The following ITPR1 variants were observed in gnomAD, a reference collection of about 807,000 sequenced individuals.
The protein encoded by ITPR1 is inositol 1,4,5-trisphosphate receptor type 1, also known as inositol 1,4,5-trisphosphate-gated calcium channel ITPR1.
A neutral mutation model predicts 318.4 loss-of-function variants in ITPR1; 96 were observed. The observed-to-expected ratio is 0.30, with a 90% CI of 0.26 to 0.36. ITPR1 has a LOEUF of 0.36. ITPR1 is among the 10% of genes least tolerant of loss of function. The pLI is 1.00. For missense variants in ITPR1, 2,440 were observed against 3,460.2 expected (o/e 0.71, Z 7.40); for synonymous variants, 1,312 against 1,289.9 (o/e 1.02, Z -0.37).
intron 28 of ITPR1, among the ~76,000 whole-genome samples, 165 bp downstream of exon 28, chr3:4,683,963 G>A (rs535074112): frequency 1.3e-5 from 2 of 152,166 alleles, no homozygotes; most frequent in African/African-American, 2.4e-5. Flanking sequence ...AATAAGCTAC[G>A]AATCAAAGTT....
chr3:4,589,834 G>C (rs145869328), intron 4 of ITPR1, among the ~76,000 whole-genome samples: 1 of 152,232 alleles, frequency 6.6e-6, no homozygotes, highest in East Asian at 1.9e-4. Flanking sequence ...AATTGGATCA[G>C]AATCTCTGGG....
In ITPR1 at chr3:4,717,397, G is replaced by A. The variant is rs1275259051; in HGVS notation, c.5134G>A (p.Glu1712Lys). 2 of 1,595,780 alleles carry A rather than the reference G, an allele frequency of 1.3e-6. No individual in the cohort carries two copies. The highest frequency in any genetic ancestry group is 1.7e-6 in the Non-Finnish European group (2 of 1,176,682). The change falls in exon 40 of 62, where the codon GAG (glutamate) becomes AAG (lysine). Residue 1712 changes from glutamate to lysine, a missense_variant and splice_region_variant. By Grantham distance (56) the Glu-to-Lys change is moderately conservative. Around this residue, in one of 23 missense-constraint regions of ITPR1, gnomAD observed 166 missense variants for 143.7 expected, o/e 1.16. Transcript: ENST00000649015. ...TTCCATTGATGAATTGGATAATGCT[G>A]AGGTCCTAATTTTGTTGTTTTTTGT... Reference protein sequence around the residue: ...LISIDELDNAELPPAPDSENA... With the variant: ...LISIDELDNAKLPPAPDSENA...
intron 5 of ITPR1, among the ~76,000 whole-genome samples, chr3:4,632,989 A>G (rs368888558): frequency 2.7e-5 from 3 of 113,062 alleles, no homozygotes; most frequent in East Asian, 6.1e-4. Flanking sequence ...GCCAGGCTGG[A>G]GTGTAGTGGC....
chr3:4,545,255 T>C (rs931514449), intron 4 of ITPR1, among the ~76,000 whole-genome samples: 5 of 152,206 alleles, frequency 3.3e-5, no homozygotes, highest in Non-Finnish European at 2.9e-5. Flanking sequence ...AGGAAGTAGT[T>C]TTTCCCAGAA....
chr3:4,818,867 A>G (rs2049485934), intron 60 of ITPR1, among the ~76,000 whole-genome samples: 1 of 152,184 alleles, frequency 6.6e-6, no homozygotes, highest in South Asian at 2.1e-4. Flanking sequence ...CTGAGACACC[A>G]AACGTGCGCT....
chr3:4,501,516 A>G (rs753986137), intron 2 of ITPR1, among the ~76,000 whole-genome samples: 4 of 152,236 alleles, frequency 2.6e-5, no homozygotes, highest in South Asian at 4.1e-4. Flanking sequence ...ATACGAGAAG[A>G]TATGCATTGG....
At chr3:4,750,726 C>A (rs2044440991) in intron 44 of ITPR1, 1 of 151,716 alleles carries the variant, frequency 6.6e-6, no homozygotes, top group Non-Finnish European at 1.5e-5. Context: ...CCTTTTGCCC[C>A]CTTCCTTTCT....
Position 4,846,455 on chromosome 3 carries a change from C to A in ITPR1, c.*230C>A. On this transcript the variant is annotated 3_prime_UTR_variant, in exon 62 of 62. Transcript: ENST00000649015. ...ATTTGTGCCAAAAATATTAAAAATG[C>A]CTTTTTTGGAAGGACTAACAGAAAG... 1 of 348,272 alleles carries A rather than the reference C, an allele frequency of 2.9e-6. No individual in the cohort carries two copies. Among genetic ancestry groups the A allele is most frequent in the Admixed American group, 4.7e-5 (1 of 21,322 alleles). 21.6% of individuals were successfully genotyped at this position (348,272 alleles called of 1,614,324 possible). A position where few individuals can be genotyped will look rare whatever the true frequency, so the allele number is the denominator to read the frequency against.
rs968099389 is a variant in ITPR1 at position 4,790,081 on chromosome 3, G to T, written c.6808+1942G>T. 4.6e-5 allele frequency among the ~76,000 whole-genome samples: 7 copies of T among 152,276 alleles called. No individual in the cohort carries two copies. The East Asian group carries it at 1.4e-3, about 29-fold the overall frequency. The stretch of plus-strand genomic sequence containing the variant: ...TATGTATAATGTATGTATTTTATAG[G>T]TTCTCCAAAAGGCTTATTTTGGAGA... On this transcript the variant is annotated intron_variant, in intron 52 of 61. Coordinates refer to ENST00000649015, the MANE Select transcript of ITPR1 (RefSeq NM_001378452.1).
Position 4,735,363 on chromosome 3 carries a change from G to A in ITPR1, c.5544+9G>A. 1.2e-6 allele frequency: 2 copies of A among 1,611,768 alleles called. No individual in the cohort carries two copies. The highest frequency in any genetic ancestry group is 1.7e-6 in the Non-Finnish European group (2 of 1,178,072). ...GCAACACCACCATCCAGGTAGGAAG[G>A]CAGCTTGGCTACTGGTATGGCATCC... On this transcript the variant is annotated intron_variant, in intron 44 of 61. Transcript: ENST00000649015.
chr3:4,748,887 C>T (rs1333929764), intron 44 of ITPR1, among the ~76,000 whole-genome samples: 1 of 152,134 alleles, frequency 6.6e-6, no homozygotes, highest in Non-Finnish European at 1.5e-5. Flanking sequence ...CACTGGGACG[C>T]GAAGTTGTAT....
intron 4 of ITPR1, among the ~76,000 whole-genome samples, chr3:4,620,048 A>G (rs767903838): frequency 2.0e-5 from 3 of 151,554 alleles, no homozygotes; most frequent in Non-Finnish European, 4.4e-5. Context: ...CTTTTTTCCT[A>G]TTTCAAAAGG....
At chr3:4,730,854 C>G (rs1344017450) in intron 42 of ITPR1, among the ~76,000 whole-genome samples, 1 of 152,184 alleles carries the variant, frequency 6.6e-6, no homozygotes, top group Non-Finnish European at 1.5e-5. Context: ...CAACCCTATG[C>G]TCTTTCAGAT....
In ITPR1 at chr3:4,683,781, G is replaced by T; in HGVS notation, c.3481G>T (p.Glu1161Ter). The T allele has an allele frequency of 6.2e-7, 1 of 1,613,794 alleles. No individual in the cohort carries two copies. The highest frequency in any genetic ancestry group is 1.1e-5 in the South Asian group (1 of 91,036). ...TATGGATGGTGCATCTGGAGAAAAT[G>T]AACATAAGAAAACGGAGGTGAGTGA... ...ETMDGASGEN[E>*]HKKTEEGNNK... is the part of the protein sequence containing the mutation. The change falls in exon 28 of 62, where the codon GAA (glutamate) becomes TAA (stop). Residue 1161 changes from glutamate to a stop codon, truncating the protein, a stop_gained. Coordinates refer to ENST00000649015, the MANE Select transcript of ITPR1 (RefSeq NM_001378452.1). LOFTEE classifies it high-confidence loss of function.
intron 26 of ITPR1, among the ~76,000 whole-genome samples, chr3:4,681,891 T>C (rs2094309882): frequency 6.6e-6 from 1 of 152,098 alleles, no homozygotes; most frequent in Non-Finnish European, 1.5e-5. Context: ...TCATTGTTCC[T>C]AATATTAATG....
chr3:4,821,692 C>T lies in ITPR1; in HGVS notation c.8028+3450C>T, dbSNP rs549353772. ...CTCAGCCATGTAAAAACACAACAGC[C>T]TGTCTAGATCAGATACTTCACCTTT... On this transcript the variant is annotated intron_variant, in intron 60 of 61. Transcript: ENST00000649015. 2.6e-5 allele frequency among the ~76,000 whole-genome samples: 4 copies of T among 152,322 alleles called. No individual in the cohort carries two copies. The East Asian group carries it at 7.7e-4, about 29-fold the overall frequency.
chr3:4,782,558 A>G, intron 49 of ITPR1, 61 bp from the exon 50 acceptor site: 3 of 1,537,214 alleles, frequency 2.0e-6, no homozygotes, highest in Non-Finnish European at 2.6e-6. Context: ...CATGCTGTCC[A>G]TCCAGTCCTG....
chr3:4,692,925 A>C (rs1424128070), intron 32 of ITPR1, among the ~76,000 whole-genome samples: 4 of 152,226 alleles, frequency 2.6e-5, no homozygotes, highest in Non-Finnish European at 4.4e-5. Context: ...GTTCGAGACC[A>C]GCCTAGCCAA....
At position 4,826,826 on chromosome 3, in the gene ITPR1, G is replaced by A. The variant is rs1428778861; in HGVS notation, c.8028+8584G>A. Among the ~76,000 whole-genome samples, 1 of 152,178 alleles carries A rather than the reference G, an allele frequency of 6.6e-6. No homozygotes were observed. Among genetic ancestry groups the A allele is most frequent in the East Asian group, 1.9e-4 (1 of 5,190 alleles). Reference sequence around the variant, plus strand: ...CTACATTCTGACCTTCGTGGAGGGTGTGCCAGGTGCCGTTTGTAACAATGA... The same window carrying A: ...CTACATTCTGACCTTCGTGGAGGGTATGCCAGGTGCCGTTTGTAACAATGA... On this transcript the variant is annotated intron_variant, in intron 60 of 61. Transcript: ENST00000649015. The surrounding 1 kb of genome is among the most constrained non-coding windows in gnomAD (Gnocchi z 4.2).
Sources: allele counts gnomAD v4.1 joint callset (sites outside exome capture counted in the v4.1 genomes callset), GRCh38; gene constraint gnomAD v4.1.1; regional missense constraint gnomAD v4.1.1; non-coding constraint Gnocchi (gnomAD v3.1); transcripts MANE v1.5; gene names NCBI Gene and HGNC (gene_info 2026-07-23, HGNC 2026-07-21).